The following AMMECR1 variants were observed in gnomAD, a reference collection of about 807,000 sequenced individuals.
AMMECR1 encodes the protein AMMECR nuclear protein 1.
AMMECR1 carries 3 observed loss-of-function variants against 22.5 expected under a neutral mutation model. The observed-to-expected ratio is 0.13, with a 90% CI of 0.06 to 0.35. The LOEUF (loss-of-function observed/expected upper bound fraction) is 0.35, where lower values mean the gene tolerates loss of function less well. Ranked by LOEUF, AMMECR1 falls within the 10% of genes least tolerant of loss-of-function variation. The pLI, the probability that AMMECR1 is intolerant of heterozygous loss-of-function variation, is 1.00. For synonymous variants in AMMECR1, 130 were observed against 116.7 expected, an observed-to-expected ratio of 1.11 and a Z score of -0.74; for missense variants, 235 against 278.7, an observed-to-expected ratio of 0.84 and a Z score of 1.12.
At chrX:110,298,256 T>C (rs2067947682) in intron 1 of AMMECR1, among the ~76,000 whole-genome samples, 1 of 111,697 alleles carries the variant, frequency 9.0e-6, no homozygotes, top group Non-Finnish European at 1.9e-5. Context: ...CTAAGTCTTA[T>C]AAGGAATCAA....
upstream of AMMECR1, among the ~76,000 whole-genome samples, chrX:110,319,913 C>G (rs948761945): frequency 8.9e-6 from 1 of 111,945 alleles, no homozygotes; most frequent in Non-Finnish European, 1.9e-5. Flanking sequence ...CGAGGTTAAA[C>G]AGAAATAAGA....
rs748286248 is a variant in AMMECR1 at position 110,238,309 on chromosome X, T to C, written c.585-21677A>G. Among the ~76,000 whole-genome samples, 3 of 112,772 alleles carry C rather than the reference T, an allele frequency of 2.7e-5. No homozygotes were observed. The East Asian group carries it at 8.3e-4, about 31-fold the overall frequency. On this transcript the variant is annotated intron_variant, in intron 2 of 5. Transcript: ENST00000262844. ...ATGTTGGTGTTGCTAGATCCTCACC[T>C]ACAGTCTTTGTCATGCTCAAAGATC...
chrX:110,431,857 G>A (rs1345096476), intron 1 of AMMECR1, among the ~76,000 whole-genome samples: 1 of 111,870 alleles, frequency 8.9e-6, no homozygotes, highest in African/African-American at 3.3e-5. Flanking sequence ...CAGCTGGCAA[G>A]GTCTGGGCTA....
intron 2 of AMMECR1, among the ~76,000 whole-genome samples, chrX:110,365,549 T>C (rs17003967): frequency 0.073 from 8,199 of 111,612 alleles, 437 homozygotes; most frequent in African/African-American, 0.18. Context: ...ATTTACATAA[T>C]AACTTTTGGG....
chrX:110,330,963 C>A (rs992839723), intron 2 of AMMECR1, among the ~76,000 whole-genome samples: 1 of 111,201 alleles, frequency 9.0e-6, no homozygotes, highest in African/African-American at 3.3e-5. Flanking sequence ...ACTGCTCCAA[C>A]AAAAGTCACC....
intron 2 of AMMECR1, among the ~76,000 whole-genome samples, chrX:110,382,872 T>C (rs2068429986): frequency 8.9e-6 from 1 of 111,877 alleles, no homozygotes; most frequent in Non-Finnish European, 1.9e-5. Context: ...CTCCCTCTAA[T>C]TGAGGCTTAG....
rs750157982 is a variant in AMMECR1, at chrX:110,243,852, C to A, written c.584+20637G>T. On this transcript the variant is annotated intron_variant, in intron 2 of 5. Coordinates refer to ENST00000262844, the MANE Select transcript of AMMECR1 (RefSeq NM_015365.3). ...AGATACAATGTATAATAATGTATTA[C>A]TCTATTTCACTCTCACTACCATATC... Among the ~76,000 whole-genome samples the A allele has an allele frequency of 8.1e-4, 90 of 111,361 alleles. 1 individual carries two copies. The highest frequency in any genetic ancestry group is 1.6e-3 in the Non-Finnish European group (84 of 52,967).
At chrX:110,346,770 G>A (rs1266721215) in intron 2 of AMMECR1, 1 of 777,183 alleles carries the variant, frequency 1.3e-6, no homozygotes, top group Non-Finnish European at 2.0e-6. Context: ...AGTCAGCAGA[G>A]GGTCATGTTG....
rs747363061 is a variant in AMMECR1, at chrX:110,202,515, T to C, written c.721A>G (p.Ile241Val). The C allele has an allele frequency of 2.5e-6, 3 of 1,205,149 alleles. No individual in the cohort carries two copies. The highest frequency in any genetic ancestry group is 1.7e-5 in the African/African-American group (1 of 57,258). ...DWEVGVHGIR[I>V]EFINEKGSKR... ...GATCCTTTTTCATTGATGAATTCTA[T>C]TCTAATGCCATGTACACCCACCTGA... Residue 241 changes from isoleucine to valine, a missense_variant, in exon 4 of 6, where the codon ATA becomes GTA. By Grantham distance (29) the Ile-to-Val change is conservative. Around this residue, in one of 2 missense-constraint regions of AMMECR1, gnomAD observed 111 missense variants for 181.7 expected, o/e 0.61. Coordinates refer to ENST00000262844, the MANE Select transcript of AMMECR1 (RefSeq NM_015365.3).
intron 1 of AMMECR1, among the ~76,000 whole-genome samples, chrX:110,310,784 T>C (rs1344238198): frequency 8.9e-6 from 1 of 111,798 alleles, no homozygotes; most frequent in Non-Finnish European, 1.9e-5. Flanking sequence ...GCAACATTCC[T>C]ATATTCACAA....
chrX:110,388,898 G>A (rs917794491), intron 2 of AMMECR1, among the ~76,000 whole-genome samples: 9 of 112,506 alleles, frequency 8.0e-5, no homozygotes, highest in Non-Finnish European at 1.9e-5. Context: ...AGTGGGGAGA[G>A]TGTGAACTGG....
At chrX:110,259,813 G>A in intron 2 of AMMECR1, among the ~76,000 whole-genome samples, 1 of 110,035 alleles carries the variant, frequency 9.1e-6, no homozygotes, top group East Asian at 2.8e-4. Context: ...GGATGGTCTC[G>A]ATCTCCTGAC....
At chrX:110,206,186 C>T (rs1183067793) in intron 3 of AMMECR1, among the ~76,000 whole-genome samples, 2 of 111,757 alleles carry the variant, frequency 1.8e-5, no homozygotes, top group South Asian at 3.7e-4. Flanking sequence ...CACGTGGTCA[C>T]AGAAAGAAGA....
At chrX:110,431,495 C>G (rs760992390) in intron 1 of AMMECR1, among the ~76,000 whole-genome samples, 1 of 105,826 alleles carries the variant, frequency 9.4e-6, no homozygotes, top group South Asian at 4.6e-4. Flanking sequence ...TTTATATAAA[C>G]AATTTGCCTG....
chrX:110,339,845 T>C (rs1354222806), intron 2 of AMMECR1, among the ~76,000 whole-genome samples: 6 of 111,611 alleles, frequency 5.4e-5, no homozygotes, highest in Non-Finnish European at 1.1e-4. Flanking sequence ...ATTTTATAAT[T>C]ATATCCCTGT....
At chrX:110,401,718 T>C (rs762327779) in intron 2 of AMMECR1, among the ~76,000 whole-genome samples, 11 of 111,853 alleles carry the variant, frequency 9.8e-5, no homozygotes, top group African/African-American at 2.9e-4. Flanking sequence ...GAATCTTGGC[T>C]CTGCCATTCA....
intron 2 of AMMECR1, among the ~76,000 whole-genome samples, chrX:110,369,134 C>T (rs1156913185): frequency 9.0e-6 from 1 of 111,401 alleles, no homozygotes; most frequent in African/African-American, 3.3e-5. Flanking sequence ...GAATTGAGAC[C>T]ATCCTGGCTA....
chrX:110,294,286 T>C (rs894485499), intron 1 of AMMECR1, among the ~76,000 whole-genome samples: 1 of 111,983 alleles, frequency 8.9e-6, no homozygotes, highest in African/African-American at 3.2e-5. Flanking sequence ...ACTAGCACTG[T>C]GTCCTTTCTC....
At chrX:110,329,733 C>T (rs1299857336) in intron 2 of AMMECR1, among the ~76,000 whole-genome samples, 1 of 111,966 alleles carries the variant, frequency 8.9e-6, no homozygotes, top group African/African-American at 3.2e-5. Context: ...GCCAAACAAC[C>T]ACAGATTGTC....
Sources: gnomAD v4.1 joint callset for allele counts (sites outside exome capture counted in the v4.1 genomes callset) on GRCh38, gnomAD v4.1.1 for gene constraint, gnomAD v4.1.1 regional missense constraint, MANE v1.5 for transcripts, NCBI Gene and HGNC (gene_info 2026-07-23, HGNC 2026-07-21) for gene names.